Variants in PTPRG observed in about 807,000 individuals in gnomAD.
PTPRG encodes the protein protein tyrosine phosphatase receptor type G.
Under a neutral mutation model 165.3 loss-of-function variants are expected in PTPRG, and 102 were observed. The observed-to-expected ratio is 0.62, with a 90% confidence interval of 0.53 to 0.73. The LOEUF (loss-of-function observed/expected upper bound fraction) is 0.73. PTPRG is among the 30% of genes least tolerant of loss of function. The pLI, the probability that PTPRG is intolerant of heterozygous loss-of-function variation, is 0.00. For synonymous variants in PTPRG, 675 were observed against 669.5 expected (o/e 1.01, Z -0.13); for missense variants, 1,866 against 1,861.4 (o/e 1.00, Z -0.05).
rs141142912 is a variant in PTPRG, at chr3:61,748,471, C to T, written c.86-407C>T. 2.6e-5 allele frequency among the ~76,000 whole-genome samples: 4 copies of T among 152,152 alleles called. No individual in the cohort carries two copies. In the East Asian group the frequency reaches 7.7e-4, roughly 29 times the overall value. On this transcript the variant is annotated intron_variant, in intron 1 of 29. Transcript: ENST00000474889. ...GTAAACTTATACATGCAGTTGGAAC[C>T]GAAGTCTACCAGTTAGTTGTATGTA...
intron 2 of PTPRG, among the ~76,000 whole-genome samples, chr3:61,829,951 T>A (rs2036226194): frequency 6.6e-6 from 1 of 152,228 alleles, no homozygotes; most frequent in African/African-American, 2.4e-5. Context: ...ATTTTAGTTT[T>A]TATAATGCTG....
At position 62,269,165 on chromosome 3, in the gene PTPRG, A is replaced by T; in HGVS notation, c.3005A>T (p.Lys1002Ile). 6.3e-7 allele frequency: 1 copy of T among 1,578,676 alleles called. No homozygotes were observed. The highest frequency in any genetic ancestry group is 8.7e-7 in the Non-Finnish European group (1 of 1,154,604). ...TTTTCAATCAGAAATACAAAAGTGAAAAAGGTATGGAAGGAATTGGGTAGG... is the reference window on the plus strand; with the variant it reads ...TTTTCAATCAGAAATACAAAAGTGATAAAGGTATGGAAGGAATTGGGTAGG... ...RRFSIRNTKV[K>I]KGQKGNPKGR... Residue 1002 changes from lysine to isoleucine, a missense_variant, in exon 20 of 30, where the codon AAA (lysine) becomes ATA (isoleucine). Physicochemically the swap from Lys to Ile is moderately radical, Grantham distance 102 (BLOSUM62 -3). Around this residue, in one of 3 missense-constraint regions of PTPRG, gnomAD observed 1,452 missense variants for 1,463.0 expected, o/e 0.99. Coordinates refer to ENST00000474889, the MANE Select transcript of PTPRG (RefSeq NM_002841.4).
chr3:62,034,017 C>T (rs964561621), intron 4 of PTPRG, among the ~76,000 whole-genome samples: 4 of 152,216 alleles, frequency 2.6e-5, no homozygotes, highest in East Asian at 3.9e-4. Flanking sequence ...CCTCCTGCCT[C>T]GGCCTTCCAA....
chr3:61,825,023 A>T (rs561174429), intron 2 of PTPRG, among the ~76,000 whole-genome samples: 4 of 152,304 alleles, frequency 2.6e-5, no homozygotes, highest in African/African-American at 9.6e-5. Flanking sequence ...GCAGAATGGG[A>T]AGCAAAAGGT....
chr3:61,934,586 A>T (rs1485867200), intron 2 of PTPRG, among the ~76,000 whole-genome samples: 1 of 152,032 alleles, frequency 6.6e-6, no homozygotes, highest in Non-Finnish European at 1.5e-5. Context: ...TCTCATGATC[A>T]CAGGTGGGGA....
intron 5 of PTPRG, among the ~76,000 whole-genome samples, chr3:62,112,072 G>T (rs1023908070): frequency 6.6e-6 from 1 of 151,930 alleles, no homozygotes; most frequent in African/African-American, 2.4e-5. Context: ...ATGGCCCCAG[G>T]TTGAAGCCCA....
chr3:61,638,591 G>GTTTTTT (rs34396141), intron 1 of PTPRG, among the ~76,000 whole-genome samples: 3,807 of 58,692 alleles, frequency 0.065, 476 homozygotes, highest in South Asian at 0.13. Flanking sequence ...TGCCTGGCTA[G>GTTTTTT]TTTTTTTTTT....
Position 62,132,599 on chromosome 3 carries a change from TAGGTCAGTCCGA to T in PTPRG, c.616-2_625del. On this transcript the variant is annotated splice_acceptor_variant and coding_sequence_variant, in exon 6 of 30. Transcript: ENST00000474889. LOFTEE classifies it high-confidence loss of function. ...TAACCAATCATGTTTCCTTTACATTTAGGTCAGTCCGAGGGACAATTCTGCACTGGATCCTAT... is the reference window on the plus strand; with the variant it reads ...TAACCAATCATGTTTCCTTTACATTTGGGACAATTCTGCACTGGATCCTAT... 6.2e-7 allele frequency: 1 copy of T among 1,602,692 alleles called. No homozygotes were observed. The highest frequency in any genetic ancestry group is 8.6e-7 in the Non-Finnish European group (1 of 1,169,568).
chr3:61,908,276 C>A (rs35614496), intron 2 of PTPRG, among the ~76,000 whole-genome samples: 20,372 of 150,988 alleles, frequency 0.13, 1,805 homozygotes, highest in East Asian at 0.49. Context: ...AAATGCAAAA[C>A]TTAGCCAGGC....
In PTPRG at chr3:61,701,072, A is replaced by G. The variant is rs144611588; in HGVS notation, c.86-47806A>G. Among the ~76,000 whole-genome samples the G allele has an allele frequency of 3.8e-3, 585 of 152,152 alleles. 6 individuals carry two copies. The highest frequency in any genetic ancestry group is 0.014 in the African/African-American group (561 of 41,514). On this transcript the variant is annotated intron_variant, in intron 1 of 29. Coordinates refer to ENST00000474889, the MANE Select transcript of PTPRG (RefSeq NM_002841.4). ...GTGGGAGCTTTAATAGTTGCCCTCA[A>G]TCTCCCTGCCCTCCTTGCTTGCCCC...
chr3:62,050,543 T>C (rs762471341), intron 4 of PTPRG, among the ~76,000 whole-genome samples: 2 of 152,236 alleles, frequency 1.3e-5, no homozygotes, highest in Non-Finnish European at 2.9e-5. Context: ...TGAAAGTTGC[T>C]TGAGAGATGG....
At chr3:62,239,961 T>A (rs1701120971) in intron 14 of PTPRG, among the ~76,000 whole-genome samples, 1 of 152,132 alleles carries the variant, frequency 6.6e-6, no homozygotes, top group Non-Finnish European at 1.5e-5. Context: ...GGGACCATCT[T>A]CATATTGTTA....
In PTPRG at chr3:62,262,882, A is replaced by C. The variant is rs760158363; in HGVS notation, c.2644A>C (p.Asn882His). The change falls in exon 17 of 30, where the codon AAC becomes CAC. Residue 882 changes from asparagine to histidine, a missense_variant. Asn to His is a moderately conservative substitution (Grantham distance 68). Around this residue, in one of 3 missense-constraint regions of PTPRG, gnomAD observed 1,452 missense variants for 1,463.0 expected, o/e 0.99. Coordinates refer to ENST00000474889, the MANE Select transcript of PTPRG (RefSeq NM_002841.4). ...AAACAAGCACAAAAACAGATACATC[A>C]ACATTTTAGCATGTGAGTAATAAGC... ...PENKHKNRYI[N>H]ILAYDHSRVK... The C allele has an allele frequency of 6.2e-7, 1 of 1,611,006 alleles. No homozygotes were observed. Among genetic ancestry groups the C allele is most frequent in the Non-Finnish European group, 8.5e-7 (1 of 1,177,172 alleles).
chr3:62,024,696 A>G (rs2041768512), intron 4 of PTPRG, among the ~76,000 whole-genome samples: 1 of 152,218 alleles, frequency 6.6e-6, no homozygotes, highest in South Asian at 2.1e-4. Flanking sequence ...GAAAGTAAAC[A>G]TTATTGGATG....
chr3:62,174,197 G>A (rs1319906766), intron 8 of PTPRG, among the ~76,000 whole-genome samples: 1 of 152,158 alleles, frequency 6.6e-6, no homozygotes, highest in East Asian at 1.9e-4. Context: ...AAGACTTTTG[G>A]AACAGGGAAC....
At chr3:61,872,817 A>T (rs1284232456) in intron 2 of PTPRG, among the ~76,000 whole-genome samples, 1 of 152,196 alleles carries the variant, frequency 6.6e-6, no homozygotes, top group Admixed American at 6.5e-5. Flanking sequence ...TTACATGTCC[A>T]GTCCATATAT....
chr3:62,228,099 C>T lies in PTPRG; in HGVS notation c.2289-3126C>T, dbSNP rs1315623410. On this transcript the variant is annotated intron_variant, in intron 13 of 29. Transcript: ENST00000474889. The surrounding 1 kb of genome is among the most constrained non-coding windows in gnomAD (Gnocchi z 4.1). ...GTTGATTTTGCATTCCCCTGGGTTG[C>T]AATAGTGATCAAGGAAAATAGTGTG... 6.6e-6 allele frequency among the ~76,000 whole-genome samples: 1 copy of T among 151,744 alleles called. No homozygotes were observed. The highest frequency in any genetic ancestry group is 2.4e-5 in the African/African-American group (1 of 41,258).
At chr3:61,894,638 C>T (rs530475008) in intron 2 of PTPRG, among the ~76,000 whole-genome samples, 2 of 152,170 alleles carry the variant, frequency 1.3e-5, no homozygotes, top group South Asian at 4.1e-4. Flanking sequence ...CTTAATGTCA[C>T]CCAGATATTA....
At position 62,145,383 on chromosome 3, in the gene PTPRG, C is replaced by T. The variant is rs930051414; in HGVS notation, c.683-11684C>T. On this transcript the variant is annotated intron_variant, in intron 6 of 29. Transcript: ENST00000474889. ...ACCAACCCCCACTGCCCATCATCAT[C>T]ATTATTGTTACTTGTGGACTTGAAT... 2.0e-5 allele frequency among the ~76,000 whole-genome samples: 3 copies of T among 152,158 alleles called. No homozygotes were observed. The South Asian group carries it at 6.2e-4, about 32-fold the overall frequency.
Sources: allele counts gnomAD v4.1 joint callset (sites outside exome capture counted in the v4.1 genomes callset), GRCh38; gene constraint gnomAD v4.1.1; regional missense constraint gnomAD v4.1.1; non-coding constraint Gnocchi (gnomAD v3.1); transcripts MANE v1.5; gene names NCBI Gene and HGNC (gene_info 2026-07-23, HGNC 2026-07-21).